The following NUGGC variants were observed in gnomAD, a reference collection of about 807,000 sequenced individuals.
NUGGC encodes the protein nuclear GTPase SLIP-GC.
NUGGC carries 58 observed loss-of-function variants against 92.6 expected under a neutral mutation model. That is an observed-to-expected ratio of 0.63 (90% CI 0.51 to 0.78). NUGGC has a LOEUF of 0.78. Ranked by LOEUF, NUGGC falls within the 30% of genes least tolerant of loss-of-function variation. The pLI is 0.00. For missense variants in NUGGC, 925 were observed against 964.6 expected, an observed-to-expected ratio of 0.96 and a Z score of 0.54; for synonymous variants, 376 against 366.4, an observed-to-expected ratio of 1.03 and a Z score of -0.30.
chr8:28,030,836 A>G (rs186762860), intron 15 of NUGGC, among the ~76,000 whole-genome samples: 117 of 152,342 alleles, frequency 7.7e-4, no homozygotes, highest in African/African-American at 2.7e-3. Context: ...ATTGAACAAC[A>G]ATAACAAAAA....
At chr8:28,044,350 C>T (rs796395852) in intron 12 of NUGGC, among the ~76,000 whole-genome samples, 2 of 152,224 alleles carry the variant, frequency 1.3e-5, no homozygotes, top group East Asian at 3.8e-4. Flanking sequence ...TGTTTATTCA[C>T]AGCTCACTAC....
intron 17 of NUGGC, among the ~76,000 whole-genome samples, chr8:28,027,830 A>G (rs1016769758): frequency 6.6e-6 from 1 of 152,204 alleles, no homozygotes; most frequent in Non-Finnish European, 1.5e-5. Flanking sequence ...CACAAGAAGG[A>G]GTCACCTCAC....
At position 28,074,354 on chromosome 8, in the gene NUGGC, T is replaced by C. The variant is rs376323094; in HGVS notation, c.43+14A>G. On this transcript the variant is annotated intron_variant, in intron 2 of 18. Transcript: ENST00000413272. ...TCCTATATCCTCCATCAGAAGATAC[T>C]GCAAAGATGTTACCTGGATGCGGTT... The C allele has an allele frequency of 3.1e-6, 5 of 1,595,596 alleles. No individual in the cohort carries two copies. The highest frequency in any genetic ancestry group is 2.7e-5 in the African/African-American group (2 of 74,468).
intron 10 of NUGGC, among the ~76,000 whole-genome samples, chr8:28,051,924 CAAAACAAAACA>C (rs1374743436): frequency 6.7e-6 from 1 of 149,838 alleles, no homozygotes; most frequent in Non-Finnish European, 1.5e-5. Flanking sequence ...CAAAACAAAA[CAAAACAAAACA>C]AAAACAAAAA....
chr8:28,068,396 T>G lies in NUGGC; in HGVS notation c.300A>C (p.Pro100=). Residue 100 remains proline (P), a synonymous_variant, in exon 5 of 19, where the codon CCA becomes CCC. Transcript: ENST00000413272. The part of the protein sequence containing the change: ...LALIEKPTVD[P]IYIALFGSTG... ...TGCTTCCAAATAATGCAATGTAGAT[T>G]GGGTCCACTGTCGGCTTTTCAATCA... 6.3e-7 allele frequency: 1 copy of G among 1,581,866 alleles called. No homozygotes were observed. The highest frequency in any genetic ancestry group is 8.6e-7 in the Non-Finnish European group (1 of 1,163,046).
chr8:28,070,380 A>C (rs1157808323), intron 2 of NUGGC, 24 bp from the exon 3 acceptor site: 1 of 1,244,102 alleles, frequency 8.0e-7, no homozygotes, highest in South Asian at 1.3e-5. Flanking sequence ...GAGGATATAT[A>C]AGATTATAGG....
intron 12 of NUGGC, among the ~76,000 whole-genome samples, chr8:28,043,563 T>G (rs1809753400): frequency 6.6e-6 from 1 of 152,156 alleles, no homozygotes; most frequent in Non-Finnish European, 1.5e-5. Flanking sequence ...ACATAGCTAT[T>G]GCAGAATTGC....
chr8:28,038,933 A>C (rs1193226902), intron 13 of NUGGC, among the ~76,000 whole-genome samples: 3 of 152,158 alleles, frequency 2.0e-5, no homozygotes, highest in Admixed American at 6.5e-5. Flanking sequence ...GGATGGGATA[A>C]GGTAACGTGC....
At chr8:28,038,641 A>G (rs1809616181) in intron 13 of NUGGC, among the ~76,000 whole-genome samples, 1 of 152,222 alleles carries the variant, frequency 6.6e-6, no homozygotes, top group African/African-American at 2.4e-5. Flanking sequence ...TTACATGCAG[A>G]AATGAATGAA....
chr8:28,063,096 G>A (rs1042598213), intron 7 of NUGGC, among the ~76,000 whole-genome samples: 2 of 152,188 alleles, frequency 1.3e-5, no homozygotes, highest in African/African-American at 4.8e-5. Context: ...AATTCATAAC[G>A]GGTTTTAGGG....
Position 28,033,670 on chromosome 8 carries a change from G to A in NUGGC, c.1639C>T (p.Gln547Ter), listed in dbSNP as rs2130091896. The change falls in exon 14 of 19, where the codon CAG becomes TAG. Residue 547 changes from glutamine to a stop codon, truncating the protein, a stop_gained. Transcript: ENST00000413272. LOFTEE classifies it high-confidence loss of function. ...VRSKGNQGFH[Q>*]TLKAVCLKNG... is the part of the protein sequence containing the mutation. Reference sequence around the variant, plus strand: ...TTCAGGCAAACAGCTTTCAGGGTCTGATGAAAACCTTGGTTTCCTTTACTC... The same window carrying A: ...TTCAGGCAAACAGCTTTCAGGGTCTAATGAAAACCTTGGTTTCCTTTACTC... The A allele has an allele frequency of 6.2e-7, 1 of 1,613,920 alleles. No homozygotes were observed. Among genetic ancestry groups the A allele is most frequent in the Non-Finnish European group, 8.5e-7 (1 of 1,179,828 alleles).
chr8:28,045,790 C>T (rs1259516620), intron 11 of NUGGC, 130 bp from the exon 12 acceptor site: 3 of 880,216 alleles, frequency 3.4e-6, no homozygotes, highest in African/African-American at 1.7e-5. Context: ...GGGCTGGATG[C>T]CTACAGAACC....
In NUGGC at chr8:28,069,541, C is replaced by T; in HGVS notation, c.257+3G>A. 1 of 1,478,204 alleles carries T rather than the reference C, an allele frequency of 6.8e-7. No individual in the cohort carries two copies. The allele number at this position is 1,478,204 out of a possible 1,614,324, so 91.6% of individuals were successfully genotyped here. A position where few individuals can be genotyped will look rare whatever the true frequency, so the allele number is the denominator to read the frequency against. ...ATTTCAGGGTTGCAGATTTCAGACT[C>T]ACATGAGATACTTGACTCCATTAGG... On this transcript the variant is annotated splice_donor_region_variant and intron_variant, in intron 4 of 18. Transcript: ENST00000413272.
rs933594486 is a variant in NUGGC at position 28,022,142 on chromosome 8, T to C, written c.*1175A>G. 6.2e-5 allele frequency: 9 copies of C among 145,662 alleles called. No individual in the cohort carries two copies. The South Asian group carries it at 1.7e-3, about 27-fold the overall frequency. The allele number at this position is 145,662 out of a possible 1,614,324, so 9.0% of individuals were successfully genotyped here. A position where few individuals can be genotyped will look rare whatever the true frequency, so the allele number is the denominator to read the frequency against. ...ATGGGTGTGTGTGTGTATATATATATATTTTTTTCTTTTTCTTTTTTTTTT... is the reference window on the plus strand; with the variant it reads ...ATGGGTGTGTGTGTGTATATATATACATTTTTTTCTTTTTCTTTTTTTTTT... On this transcript the variant is annotated 3_prime_UTR_variant, in exon 19 of 19. Coordinates refer to ENST00000413272, the MANE Select transcript of NUGGC (RefSeq NM_001010906.2).
chr8:28,028,935 G>C (rs1302069821), intron 17 of NUGGC, among the ~76,000 whole-genome samples: 2 of 152,116 alleles, frequency 1.3e-5, no homozygotes, highest in African/African-American at 2.4e-5. Flanking sequence ...CTGTGTGGCT[G>C]GTTGATACAT....
At position 28,053,116 on chromosome 8, in the gene NUGGC, G is replaced by A. The variant is rs368549896; in HGVS notation, c.1206+2849C>T. 1.1e-4 allele frequency among the ~76,000 whole-genome samples: 16 copies of A among 152,200 alleles called. No homozygotes were observed. The East Asian group carries it at 1.2e-3, about 11-fold the overall frequency. On this transcript the variant is annotated intron_variant, in intron 10 of 18. Transcript: ENST00000413272. ...AAAAAAAAAGTGATGGAAACTCAAA[G>A]AATGCCTTATAAAGAACTTCTGTCT...
At chr8:28,053,716 C>CCGA (rs1238758199) in intron 10 of NUGGC, among the ~76,000 whole-genome samples, 3 of 152,148 alleles carry the variant, frequency 2.0e-5, no homozygotes, top group Non-Finnish European at 4.4e-5. Context: ...TGTTTACTGG[C>CCGA]ATAGTTGTAA....
At chr8:28,029,479 T>A (rs1488988942) in intron 16 of NUGGC, 77 bp from the exon 17 acceptor site, 33 of 1,532,562 alleles carry the variant, frequency 2.2e-5, no homozygotes, top group Middle Eastern at 3.4e-4. Context: ...CCGGGCATGG[T>A]GGCTCACACC....
intron 10 of NUGGC, among the ~76,000 whole-genome samples, chr8:28,054,225 T>C (rs943679805): frequency 6.6e-6 from 1 of 152,198 alleles, no homozygotes; most frequent in African/African-American, 2.4e-5. Context: ...CTCACGTTGG[T>C]AATCCCAGCA....
Sources: gnomAD v4.1 joint callset for allele counts (sites outside exome capture counted in the v4.1 genomes callset) on GRCh38, gnomAD v4.1.1 for gene constraint, MANE v1.5 for transcripts, NCBI Gene and HGNC (gene_info 2026-07-23, HGNC 2026-07-21) for gene names.